Variants in SLC45A4 observed in about 807,000 individuals in gnomAD.
SLC45A4 encodes the protein polyamine-transporter SLC45A4.
Under a neutral mutation model 63.7 loss-of-function variants are expected in SLC45A4, and 32 were observed. That is an observed-to-expected ratio of 0.50 (90% CI 0.38 to 0.67). SLC45A4 has a LOEUF of 0.67. Among genes scored for constraint, SLC45A4 ranks in the 30% least tolerant of loss-of-function variants. The probability of loss-of-function intolerance (pLI) is 0.00; values close to 1 mark genes in which losing one functional copy is unlikely to be tolerated. For missense variants in SLC45A4, 1,027 were observed against 1,157.7 expected (o/e 0.89, Z 1.64); for synonymous variants, 535 against 510.0 (o/e 1.05, Z -0.66).
intron 2 of SLC45A4, chr8:141,225,182 TTAAAAAAAACATGTC>T (rs1269961507): frequency 6.6e-6 from 1 of 152,236 alleles, no homozygotes; most frequent in Non-Finnish European, 1.5e-5. Flanking sequence ...CTTTTCTTTT[TTAAAAAAAACATGTC>T]TAATAACATT....
At chr8:141,268,645 T>G (rs1297135604) in intron 1 of SLC45A4, among the ~76,000 whole-genome samples, 3 of 152,232 alleles carry the variant, frequency 2.0e-5, no homozygotes, top group Non-Finnish European at 4.4e-5. Context: ...TGTGTCCTTG[T>G]ATTTACATAA....
intron 5 of SLC45A4, among the ~76,000 whole-genome samples, 196 bp downstream of exon 5, chr8:141,217,815 C>CGG (rs1826258441): frequency 6.6e-6 from 1 of 152,222 alleles, no homozygotes; most frequent in South Asian, 2.1e-4. Context: ...GACCCCAGGA[C>CGG]GGCCCCCACC....
intron 1 of SLC45A4, among the ~76,000 whole-genome samples, chr8:141,279,081 A>T (rs756896057): frequency 3.3e-5 from 5 of 152,138 alleles, no homozygotes; most frequent in African/African-American, 4.8e-5. Context: ...CACCTCTGTG[A>T]CGGCTCCCAC....
At chr8:141,261,481 C>A (rs1829035737) in intron 1 of SLC45A4, among the ~76,000 whole-genome samples, 1 of 152,266 alleles carries the variant, frequency 6.6e-6, no homozygotes, top group Non-Finnish European at 1.5e-5. Context: ...ACCCCATCGT[C>A]TCAGCCCAAA....
intron 1 of SLC45A4, among the ~76,000 whole-genome samples, chr8:141,276,182 G>A (rs1829721407): frequency 6.6e-6 from 1 of 152,156 alleles, no homozygotes; most frequent in African/African-American, 2.4e-5. Flanking sequence ...GATTACAAGT[G>A]TGAGCCACCT....
chr8:141,233,789 A>G (rs1827486966), intron 2 of SLC45A4, among the ~76,000 whole-genome samples: 1 of 152,206 alleles, frequency 6.6e-6, no homozygotes, highest in Non-Finnish European at 1.5e-5. Context: ...ACGGCTATGG[A>G]GCGTGGCACC....
At chr8:141,271,022 G>C (rs1288513663) in intron 1 of SLC45A4, among the ~76,000 whole-genome samples, 2 of 152,224 alleles carry the variant, frequency 1.3e-5, no homozygotes, top group Non-Finnish European at 2.9e-5. Context: ...CCAAGCCAGA[G>C]TAAAGGACCT....
chr8:141,236,176 C>T (rs560079759), intron 2 of SLC45A4, among the ~76,000 whole-genome samples: 13 of 152,294 alleles, frequency 8.5e-5, no homozygotes, highest in Non-Finnish European at 1.9e-4. Context: ...CCTGCAGTGC[C>T]GACTGTCCCT....
chr8:141,224,336 C>T (rs1304667241), intron 2 of SLC45A4: 1 of 152,238 alleles, frequency 6.6e-6, no homozygotes, highest in Non-Finnish European at 1.5e-5. Flanking sequence ...TTTCTGGACA[C>T]ACATCCTGGT....
intron 1 of SLC45A4, among the ~76,000 whole-genome samples, chr8:141,282,487 CCGCCGCTCAGGGCA>C (rs1829990728): frequency 6.6e-6 from 1 of 152,338 alleles, no homozygotes; most frequent in Admixed American, 6.5e-5. Context: ...TCCCTCCAGG[CCGCCGCTCAGGGCA>C]CGCCGCCTCC....
chr8:141,274,262 G>A (rs1273564000), intron 1 of SLC45A4, among the ~76,000 whole-genome samples: 2 of 151,882 alleles, frequency 1.3e-5, no homozygotes, highest in Admixed American at 1.3e-4. Flanking sequence ...GGCCAGGTGT[G>A]GTAGCTCACG....
chr8:141,264,180 A>G (rs1317482099), intron 1 of SLC45A4, among the ~76,000 whole-genome samples: 1 of 152,158 alleles, frequency 6.6e-6, no homozygotes, highest in African/African-American at 2.4e-5. Flanking sequence ...TCCCAGTGGA[A>G]AACTATGTGG....
intron 1 of SLC45A4, among the ~76,000 whole-genome samples, chr8:141,255,671 G>A (rs1828740151): frequency 6.6e-6 from 1 of 152,058 alleles, no homozygotes; most frequent in Admixed American, 6.6e-5. Flanking sequence ...AGCTGAGATC[G>A]CACCACTGCA....
chr8:141,291,165 A>G (rs190152277), intron 1 of SLC45A4, among the ~76,000 whole-genome samples: 1 of 152,322 alleles, frequency 6.6e-6, no homozygotes, highest in Admixed American at 6.5e-5. Context: ...AATTACAGGC[A>G]TGAGCCACCG....
chr8:141,211,397 C>T lies in SLC45A4; in HGVS notation c.*175G>A. ...GCTCACGCTCCGCCCCCAGGTGGTG[C>T]CCAGCCCATCCCTGGGCAGGGTGTC... On this transcript the variant is annotated 3_prime_UTR_variant, in exon 9 of 9. Transcript: ENST00000517878. 2 of 1,525,062 alleles carry T rather than the reference C, an allele frequency of 1.3e-6. No homozygotes were observed. The highest frequency in any genetic ancestry group is 1.8e-6 in the Non-Finnish European group (2 of 1,139,018). 94.5% of individuals were successfully genotyped at this position (1,525,062 alleles called of 1,614,324 possible).
At chr8:141,266,700 G>T (rs1414888290) in intron 1 of SLC45A4, among the ~76,000 whole-genome samples, 1 of 152,210 alleles carries the variant, frequency 6.6e-6, no homozygotes, top group East Asian at 1.9e-4. Context: ...TATACAAAGA[G>T]TCCTTAAAAC....
chr8:141,307,042 C>G (rs1370033917), intron 1 of SLC45A4, among the ~76,000 whole-genome samples: 1 of 152,232 alleles, frequency 6.6e-6, no homozygotes, highest in Non-Finnish European at 1.5e-5. Context: ...GTGACCCGCA[C>G]TGGAGAGACA....
intron 1 of SLC45A4, among the ~76,000 whole-genome samples, chr8:141,302,136 G>A (rs1563686024): frequency 6.6e-6 from 1 of 152,164 alleles, no homozygotes; most frequent in Admixed American, 6.5e-5. Flanking sequence ...TTTTTAAAAA[G>A]CAATACAATG....
At chr8:141,259,250 G>A (rs900403767) in intron 1 of SLC45A4, among the ~76,000 whole-genome samples, 2 of 152,212 alleles carry the variant, frequency 1.3e-5, no homozygotes, top group East Asian at 1.9e-4. Flanking sequence ...GCCAGACACC[G>A]CTGCTCAGCA....
Sources: gnomAD v4.1 joint callset for allele counts (sites outside exome capture counted in the v4.1 genomes callset) on GRCh38, gnomAD v4.1.1 for gene constraint, MANE v1.5 for transcripts, NCBI Gene and HGNC (gene_info 2026-07-23, HGNC 2026-07-21) for gene names.